The following LARGE1 variants were observed in gnomAD, a reference collection of about 807,000 sequenced individuals.
LARGE1 encodes the protein xylosyl- and glucuronyltransferase LARGE1.
LARGE1 carries 43 observed loss-of-function variants against 87.6 expected under a neutral mutation model. The ratio of observed to expected loss-of-function variants is 0.49; its 90% CI spans 0.38 to 0.63. The LOEUF (loss-of-function observed/expected upper bound fraction) is 0.63. Among genes scored for constraint, LARGE1 ranks in the 30% least tolerant of loss-of-function variants. The pLI, the probability that LARGE1 is intolerant of heterozygous loss-of-function variation, is 0.00. For synonymous variants in LARGE1, 434 were observed against 394.6 expected, an observed-to-expected ratio of 1.10 and a Z score of -1.18; for missense variants, 802 against 1,000.2, an observed-to-expected ratio of 0.80 and a Z score of 2.67.
intron 6 of LARGE1, among the ~76,000 whole-genome samples, chr22:33,541,335 G>T (rs1468871790): frequency 6.6e-6 from 1 of 152,112 alleles, no homozygotes. Flanking sequence ...AAGAAAAATG[G>T]TTGTGATGCA....
At chr22:33,421,950 C>T (rs2066710483) in intron 7 of LARGE1, among the ~76,000 whole-genome samples, 1 of 152,248 alleles carries the variant, frequency 6.6e-6, no homozygotes, top group African/African-American at 2.4e-5. Context: ...GGTTGGGTCA[C>T]TGAATTTGGA....
the LARGE1 span, among the ~76,000 whole-genome samples, chr22:33,103,346 T>G: frequency 1.5e-5 from 2 of 136,352 alleles, no homozygotes; most frequent in African/African-American, 5.5e-5. Flanking sequence ...GGCAGGAGAA[T>G]GGCATGAACC....
chr22:33,345,675 T>G (rs1225420697), intron 9 of LARGE1, among the ~76,000 whole-genome samples: 1 of 152,204 alleles, frequency 6.6e-6, no homozygotes, highest in Non-Finnish European at 1.5e-5. Context: ...AATTGATTAC[T>G]GTCCAGGAAA....
intron 13 of LARGE1, among the ~76,000 whole-genome samples, chr22:33,279,847 G>A (rs902910963): frequency 1.3e-5 from 2 of 152,214 alleles, no homozygotes; most frequent in Non-Finnish European, 2.9e-5. Context: ...GCACAGCACA[G>A]CTGATGGCCG....
At chr22:33,642,983 G>GA (rs1245732025) in intron 3 of LARGE1, among the ~76,000 whole-genome samples, 23 of 152,136 alleles carry the variant, frequency 1.5e-4, no homozygotes. Context: ...GTATTAGACA[G>GA]ATCAATGAGC....
chr22:33,399,697 T>C (rs1475923541), intron 7 of LARGE1, among the ~76,000 whole-genome samples: 1 of 152,120 alleles, frequency 6.6e-6, no homozygotes, highest in Non-Finnish European at 1.5e-5. Context: ...TACAGGCGCC[T>C]GCCACCATGC....
chr22:33,088,482 G>A, the LARGE1 span, among the ~76,000 whole-genome samples: 1 of 152,144 alleles, frequency 6.6e-6, no homozygotes, highest in Non-Finnish European at 1.5e-5. Context: ...TATCGTGTCT[G>A]TGCCAGTAGG....
chr22:33,491,771 G>C (rs1465892423), intron 6 of LARGE1, among the ~76,000 whole-genome samples: 1 of 152,202 alleles, frequency 6.6e-6, no homozygotes, highest in Admixed American at 6.5e-5. Context: ...TATCAGTCTT[G>C]AAGGCTAGTA....
chr22:33,542,162 C>CAAAA (rs150998193), intron 6 of LARGE1, among the ~76,000 whole-genome samples: 2 of 92,650 alleles, frequency 2.2e-5, no homozygotes, highest in Non-Finnish European at 2.0e-5. Context: ...AACTCTGTCT[C>CAAAA]AAAAAAAAAA....
chr22:33,103,022 G>A, the LARGE1 span, among the ~76,000 whole-genome samples: 14 of 152,222 alleles, frequency 9.2e-5, no homozygotes, highest in South Asian at 2.1e-4. Flanking sequence ...AGGATCTCCC[G>A]CGGCCCCTGC....
chr22:33,308,433 G>C (rs1161855919), intron 11 of LARGE1, among the ~76,000 whole-genome samples: 1 of 152,186 alleles, frequency 6.6e-6, no homozygotes, highest in Admixed American at 6.5e-5. Flanking sequence ...GCAAGTGACA[G>C]CTCTTTGAGC....
At chr22:33,788,944 G>C (rs573698419) in intron 1 of LARGE1, among the ~76,000 whole-genome samples, 5 of 152,276 alleles carry the variant, frequency 3.3e-5, no homozygotes, top group South Asian at 4.1e-4. Context: ...TAATGCAATA[G>C]AAAAGAAAAA....
chr22:33,103,083 A>G, the LARGE1 span, among the ~76,000 whole-genome samples: 1 of 151,986 alleles, frequency 6.6e-6, no homozygotes, highest in African/African-American at 2.4e-5. Context: ...GCCTGTGAAC[A>G]TGATGGATAT....
intron 2 of LARGE1, among the ~76,000 whole-genome samples, chr22:33,674,661 A>G (rs1449585330): frequency 3.3e-5 from 5 of 152,102 alleles, no homozygotes; most frequent in African/African-American, 1.2e-4. Context: ...CAATGCATGG[A>G]TCACTCTTCC....
At position 33,692,069 on chromosome 22, in the gene LARGE1, AAATTAT is replaced by A. The variant is rs550855763; in HGVS notation, c.107-41407_107-41402del. On this transcript the variant is annotated intron_variant, in intron 2 of 14. Transcript: ENST00000397394. ...TAGGACAAATTATAATTAAAATTAT[AAATTAT>A]AATTAAAAATTAAAATTTATTGTAT... 9.9e-5 allele frequency among the ~76,000 whole-genome samples: 15 copies of A among 152,228 alleles called. No individual in the cohort carries two copies. In the South Asian group the frequency reaches 3.1e-3, roughly 32 times the overall value.
At chr22:33,275,248 T>C (rs1929000342) in intron 14 of LARGE1, among the ~76,000 whole-genome samples, 1 of 152,198 alleles carries the variant, frequency 6.6e-6, no homozygotes, top group Admixed American at 6.5e-5. Flanking sequence ...TACAGCTTAA[T>C]ACTCAGGCCA....
chr22:33,921,224 G>T (rs552334684), upstream of LARGE1, among the ~76,000 whole-genome samples: 3 of 152,220 alleles, frequency 2.0e-5, no homozygotes, highest in East Asian at 5.9e-4. The surrounding 1 kb of genome is among the most constrained non-coding windows in gnomAD (Gnocchi z 4.1). Flanking sequence ...TCTTCAGCTC[G>T]CTGGCTGGCA....
At chr22:33,834,031 G>A (rs1181876148) in intron 1 of LARGE1, among the ~76,000 whole-genome samples, 4 of 152,156 alleles carry the variant, frequency 2.6e-5, no homozygotes, top group Admixed American at 2.6e-4. Flanking sequence ...CGGGGAAGCT[G>A]AATAACTTAC....
At position 33,218,741 on chromosome 22, in the gene LARGE1, A is replaced by C. The variant is rs892488998; in HGVS notation, c.1731-51909T>G. Reference sequence around the variant, plus strand: ...TTAGCTCCATTTTACAGATAAGGACAGTGAGATTTAGAGACTCAGCCAAGT... The same window carrying C: ...TTAGCTCCATTTTACAGATAAGGACCGTGAGATTTAGAGACTCAGCCAAGT... On this transcript the variant is annotated intron_variant, in intron 11 of 11. Coordinates refer to the LARGE1 transcript ENST00000608642. 5.9e-5 allele frequency among the ~76,000 whole-genome samples: 9 copies of C among 152,362 alleles called. No individual in the cohort carries two copies. The South Asian group carries it at 1.4e-3, about 25-fold the overall frequency.
Sources: allele counts gnomAD v4.1 joint callset (sites outside exome capture counted in the v4.1 genomes callset), GRCh38; gene constraint gnomAD v4.1.1; non-coding constraint Gnocchi (gnomAD v3.1); transcripts MANE v1.5; gene names NCBI Gene and HGNC (gene_info 2026-07-23, HGNC 2026-07-21).